TTC6: variants seen among roughly 807,000 people sequenced by gnomAD.
TTC6 encodes the protein tetratricopeptide repeat domain 6.
In TTC6, 172 loss-of-function variants were observed where a neutral mutation model predicts 210.4. That is an observed-to-expected ratio of 0.82 (90% CI 0.72 to 0.93). TTC6 has a LOEUF of 0.93. Ranked by LOEUF, TTC6 falls within the 40% of genes least tolerant of loss-of-function variation. The pLI is 0.00. For synonymous variants in TTC6, 804 were observed against 819.6 expected, an observed-to-expected ratio of 0.98 and a Z score of 0.32; for missense variants, 2,414 against 2,318.1, an observed-to-expected ratio of 1.04 and a Z score of -0.85.
chr14:37,736,089 G>A, intron 8 of TTC6, 79 bp downstream of exon 10: 1 of 804,062 alleles, frequency 1.2e-6, no homozygotes, highest in Non-Finnish European at 1.9e-6. Context: ...GGTAATTCCA[G>A]AAATTATTTC....
chr14:37,657,127 G>C lies in TTC6; in HGVS notation c.940-23024G>C, dbSNP rs112442966. Among the ~76,000 whole-genome samples the C allele has an allele frequency of 2.7e-5, 4 of 146,528 alleles. 1 individual carries two copies. The highest frequency in any genetic ancestry group is 7.0e-5 in the Admixed American group (1 of 14,246). On this transcript the variant is annotated intron_variant, in intron 1 of 30. Coordinates refer to ENST00000553443, the Ensembl canonical transcript of TTC6. ...CTCGGCAGGCTGAGGCAGGAGAACC[G>C]CTTGAATCCGGGAGGCGGAGGTTGC...
chr14:37,677,336 T>G (rs2095772213), intron 1 of TTC6, among the ~76,000 whole-genome samples: 1 of 152,080 alleles, frequency 6.6e-6, no homozygotes, highest in African/African-American at 2.4e-5. Context: ...TTTTCTTAAT[T>G]TTGTTTATAG....
At chr14:37,811,664 C>A (rs921053481) in intron 24 of TTC6, among the ~76,000 whole-genome samples, 5 of 151,968 alleles carry the variant, frequency 3.3e-5, no homozygotes, top group South Asian at 2.1e-4. Flanking sequence ...GTAAAAAAAA[C>A]CAAAAAGGTA....
intron 4 of TTC6, 90 bp downstream of exon 6, chr14:37,696,925 T>C (rs1271589570): frequency 7.0e-6 from 4 of 567,604 alleles, no homozygotes; most frequent in Admixed American, 4.2e-5. Flanking sequence ...AAAAGAAAAC[T>C]AAATGTTTTA....
intron 1 of TTC6, among the ~76,000 whole-genome samples, chr14:37,651,408 TATATATATATATATA>T (rs2095711460): frequency 5.2e-5 from 1 of 19,378 alleles, no homozygotes; most frequent in African/African-American, 2.7e-4. Context: ...TATATATATA[TATATATATATATATA>T]TATTTTTTTT....
At chr14:37,708,400 CA>C (rs2138721581) in intron 5 of TTC6, among the ~76,000 whole-genome samples, 1 of 151,998 alleles carries the variant, frequency 6.6e-6, no homozygotes, top group East Asian at 1.9e-4. Context: ...GTATTAATAA[CA>C]ACTCTATGTA....
chr14:37,741,959 A>G (rs938321895), intron 10 of TTC6, among the ~76,000 whole-genome samples: 25 of 152,166 alleles, frequency 1.6e-4, no homozygotes, highest in African/African-American at 5.5e-4. Context: ...CTGAGGGTGT[A>G]GAGGAGACCT....
intron 7 of TTC6, among the ~76,000 whole-genome samples, chr14:37,727,594 C>CT (rs1337173596): frequency 1.6e-4 from 24 of 151,904 alleles, no homozygotes; most frequent in Non-Finnish European, 1.5e-4. Context: ...CGCCCAGACT[C>CT]TAATTTCTTT....
intron 14 of TTC6, among the ~76,000 whole-genome samples, chr14:37,759,987 C>T (rs966907651): frequency 6.6e-5 from 10 of 152,272 alleles, no homozygotes; most frequent in South Asian, 6.2e-4. Flanking sequence ...ACCCACCTTC[C>T]GAAGCCAACT....
chr14:37,612,425 A>G (rs1262404872), intron 2 of TTC6, among the ~76,000 whole-genome samples: 7 of 152,190 alleles, frequency 4.6e-5, no homozygotes. Context: ...TTGAAATTGG[A>G]TAGTGCAAGT....
At chr14:37,732,033 T>C (rs1177912496) in intron 7 of TTC6, among the ~76,000 whole-genome samples, 1 of 152,102 alleles carries the variant, frequency 6.6e-6, no homozygotes, top group African/African-American at 2.4e-5. Flanking sequence ...GGGGTGCCAA[T>C]CCCTGCACAG....
chr14:37,802,737 C>CT (rs35779497), intron 20 of TTC6, among the ~76,000 whole-genome samples: 55 of 136,428 alleles, frequency 4.0e-4, no homozygotes, highest in East Asian at 1.7e-3. Flanking sequence ...TCTTTTTTCT[C>CT]TTTTTTTTTT....
chr14:37,827,712 A>G (rs566314445), intron 29 of TTC6: 12 of 173,920 alleles, frequency 6.9e-5, no homozygotes, highest in South Asian at 4.9e-4. Context: ...CCCCTGCAAA[A>G]TCATCACTAC....
At chr14:37,602,948 C>T (rs1457701764) in intron 1 of TTC6, among the ~76,000 whole-genome samples, 1 of 152,090 alleles carries the variant, frequency 6.6e-6, no homozygotes, top group Non-Finnish European at 1.5e-5. Context: ...CTCCACTGAC[C>T]TCCTCATGAA....
intron 17 of TTC6, among the ~76,000 whole-genome samples, chr14:37,794,776 G>T (rs1470487285): frequency 6.6e-6 from 1 of 151,616 alleles, no homozygotes; most frequent in African/African-American, 2.4e-5. Context: ...TGTCTAGATG[G>T]AGTCTCACTA....
intron 27 of TTC6, among the ~76,000 whole-genome samples, chr14:37,825,970 A>G (rs1354620269): frequency 6.6e-6 from 1 of 152,034 alleles, no homozygotes; most frequent in Non-Finnish European, 1.5e-5. Context: ...AGTTAAATTT[A>G]TTTTAATTAA....
intron 23 of TTC6, 95 bp downstream of exon 25, chr14:37,807,555 T>C (rs1770251620): frequency 9.1e-7 from 1 of 1,095,132 alleles, no homozygotes; most frequent in Non-Finnish European, 1.2e-6. Flanking sequence ...TCTATGTGGT[T>C]GGGAATCACT....
intron 1 of TTC6, among the ~76,000 whole-genome samples, chr14:37,634,611 A>T (rs1177266625): frequency 6.6e-6 from 1 of 152,214 alleles, no homozygotes; most frequent in Non-Finnish European, 1.5e-5. Context: ...CAAGAGACAT[A>T]AACCTACATA....
chr14:37,710,569 TC>T (rs1302689946), intron 5 of TTC6, among the ~76,000 whole-genome samples: 1 of 152,140 alleles, frequency 6.6e-6, no homozygotes, highest in Non-Finnish European at 1.5e-5. Context: ...TCAATCACTT[TC>T]TTAGCATATT....
Sources: allele counts gnomAD v4.1 joint callset (sites outside exome capture counted in the v4.1 genomes callset), GRCh38; gene constraint gnomAD v4.1.1; transcripts MANE v1.5; gene names NCBI Gene and HGNC (gene_info 2026-07-23, HGNC 2026-07-21).